The following CHRM2 variants were observed in gnomAD, a reference collection of about 807,000 sequenced individuals.
The protein encoded by CHRM2 is muscarinic acetylcholine receptor M2.
Under a neutral mutation model 25.0 loss-of-function variants are expected in CHRM2, and 8 were observed. The observed-to-expected ratio is 0.32, with a 90% confidence interval of 0.19 to 0.58. CHRM2 has a LOEUF of 0.58. Ranked by LOEUF, CHRM2 falls within the 20% of genes least tolerant of loss-of-function variation. The probability of loss-of-function intolerance (pLI) is 0.88; values close to 1 mark genes in which losing one functional copy is unlikely to be tolerated. For synonymous variants in CHRM2, 202 were observed against 205.7 expected (o/e 0.98, Z 0.15); for missense variants, 440 against 567.1 (o/e 0.78, Z 2.28).
chr7:136,932,544 T>C (rs4629799), intron 2 of CHRM2, among the ~76,000 whole-genome samples: 36,377 of 152,156 alleles, frequency 0.24, 5,719 homozygotes, highest in Non-Finnish European at 0.35. Flanking sequence ...TTCTCAACAA[T>C]TGTGCCACAA....
chr7:136,920,869 A>G (rs1798389701), intron 2 of CHRM2, among the ~76,000 whole-genome samples: 1 of 152,052 alleles, frequency 6.6e-6, no homozygotes, highest in African/African-American at 2.4e-5. Context: ...TCTTGTTACT[A>G]TCACGAAAAA....
At chr7:136,894,813 A>T (rs1182869950) in intron 2 of CHRM2, among the ~76,000 whole-genome samples, 1 of 152,200 alleles carries the variant, frequency 6.6e-6, no homozygotes, top group Non-Finnish European at 1.5e-5. Flanking sequence ...CCATCCATCC[A>T]TCCCCAGGAA....
chr7:136,878,519 G>A (rs140498899), intron 2 of CHRM2, among the ~76,000 whole-genome samples: 63 of 151,848 alleles, frequency 4.1e-4, no homozygotes, highest in African/African-American at 1.5e-3. Flanking sequence ...TATTTTCCAT[G>A]GCTAGTTATA....
intron 2 of CHRM2, among the ~76,000 whole-genome samples, chr7:136,875,030 A>C (rs1171508433): frequency 6.6e-6 from 1 of 150,596 alleles, no homozygotes; most frequent in Non-Finnish European, 1.5e-5. Flanking sequence ...CTGAATATAT[A>C]TATATATATG....
At chr7:136,962,720 G>C (rs1354145302) in intron 2 of CHRM2, among the ~76,000 whole-genome samples, 1 of 152,144 alleles carries the variant, frequency 6.6e-6, no homozygotes, top group East Asian at 1.9e-4. Context: ...GAACGACATT[G>C]TATTAGGAAT....
At chr7:136,929,038 C>T (rs924969269) in intron 2 of CHRM2, among the ~76,000 whole-genome samples, 2 of 152,090 alleles carry the variant, frequency 1.3e-5, no homozygotes, top group Non-Finnish European at 2.9e-5. Flanking sequence ...CATTCCCCTC[C>T]TCTTAGGTTC....
chr7:136,936,110 G>A (rs1563076388), intron 2 of CHRM2, among the ~76,000 whole-genome samples: 1 of 152,072 alleles, frequency 6.6e-6, no homozygotes, highest in Admixed American at 6.5e-5. Flanking sequence ...CCCAATCTAT[G>A]TTTGGGTAGC....
intron 2 of CHRM2, among the ~76,000 whole-genome samples, chr7:136,945,028 G>A (rs1016594419): frequency 2.6e-5 from 4 of 151,484 alleles, no homozygotes; most frequent in Non-Finnish European, 4.4e-5. Flanking sequence ...CCATATGTTC[G>A]TTGGCCATTT....
intron 3 of CHRM2, among the ~76,000 whole-genome samples, chr7:137,013,168 T>C (rs967853177): frequency 4.1e-4 from 62 of 152,116 alleles, no homozygotes; most frequent in African/African-American, 1.4e-3. Flanking sequence ...TGTTTCTCAA[T>C]TGTTATTTTG....
chr7:136,875,038 A>G (rs1179404379), intron 2 of CHRM2, among the ~76,000 whole-genome samples: 1 of 146,662 alleles, frequency 6.8e-6, no homozygotes, highest in East Asian at 2.0e-4. Flanking sequence ...ATATATATAT[A>G]TGTAAAAAAT....
At chr7:136,938,383 T>C (rs527422738) in intron 2 of CHRM2, 2 of 1,587,574 alleles carry the variant, frequency 1.3e-6, no homozygotes, top group East Asian at 2.2e-5. Flanking sequence ...CAGCATCTTG[T>C]TCTGCTGCTC....
At chr7:136,975,598 A>G (rs1322931482) in intron 2 of CHRM2, among the ~76,000 whole-genome samples, 1 of 152,226 alleles carries the variant, frequency 6.6e-6, no homozygotes, top group Non-Finnish European at 1.5e-5. Context: ...TCATATTGCC[A>G]TTCTTAAATA....
chr7:136,930,441 T>A (rs1798998367), intron 2 of CHRM2, among the ~76,000 whole-genome samples: 1 of 152,086 alleles, frequency 6.6e-6, no homozygotes. Context: ...TAAATCACAA[T>A]CTTCAGTGTA....
At position 136,868,974 on chromosome 7, in the gene CHRM2, G is replaced by A. The variant is rs561750035; in HGVS notation, c.-301G>A. The A allele has an allele frequency of 6.6e-6, 1 of 152,426 alleles. No individual in the cohort carries two copies. Among genetic ancestry groups the A allele is most frequent in the South Asian group, 2.1e-4 (1 of 4,828 alleles). The allele number at this position is 152,426 out of a possible 1,614,324, so 9.4% of individuals were successfully genotyped here. The stretch of plus-strand genomic sequence containing the variant: ...GGTCTCCATTCTATTTTGGTCTCCA[G>A]GCTCTTCGTGAAAGCCAGGTTTGAA... On this transcript the variant is annotated 5_prime_UTR_variant, in exon 1 of 4. Coordinates refer to ENST00000680005, the MANE Select transcript of CHRM2 (RefSeq NM_001006630.2).
At chr7:136,947,338 T>C (rs1320505504) in intron 2 of CHRM2, among the ~76,000 whole-genome samples, 1 of 152,214 alleles carries the variant, frequency 6.6e-6, no homozygotes, top group Non-Finnish European at 1.5e-5. Context: ...TTTCTTAATA[T>C]CTAGGGATGG....
rs1176211971 is a variant in CHRM2, at chr7:136,938,152, T to C, written c.-124-54035T>C. 7.5e-6 allele frequency: 5 copies of C among 669,514 alleles called. No homozygotes were observed. In the African/African-American group the frequency reaches 8.9e-5, roughly 12 times the overall value. The allele number at this position is 669,514 out of a possible 1,614,324, so 41.5% of individuals were successfully genotyped here. ...CTTGTCTCCTCTTCTTGTCAGGATC[T>C]GAATACTATCTCTGCCCACTCTTCT... On this transcript the variant is annotated intron_variant, in intron 2 of 3. Transcript: ENST00000680005.
intron 2 of CHRM2, among the ~76,000 whole-genome samples, chr7:136,988,196 G>A (rs2131005595): frequency 6.6e-6 from 1 of 151,668 alleles, no homozygotes; most frequent in South Asian, 2.1e-4. Flanking sequence ...ATCATAATTA[G>A]TCCCAGTGGT....
intron 2 of CHRM2, among the ~76,000 whole-genome samples, chr7:136,968,889 T>G (rs1309833088): frequency 6.6e-6 from 1 of 151,920 alleles, no homozygotes; most frequent in South Asian, 2.1e-4. Context: ...CCAATATCCA[T>G]GAACATAAAT....
intron 2 of CHRM2, among the ~76,000 whole-genome samples, chr7:136,929,544 CT>C (rs1798940997): frequency 6.6e-6 from 1 of 152,110 alleles, no homozygotes; most frequent in Admixed American, 6.5e-5. Flanking sequence ...TTGCTAGTCC[CT>C]TTATTTTCTC....
Sources: allele counts gnomAD v4.1 joint callset (sites outside exome capture counted in the v4.1 genomes callset), GRCh38; gene constraint gnomAD v4.1.1; transcripts MANE v1.5; gene names NCBI Gene and HGNC (gene_info 2026-07-23, HGNC 2026-07-21).